LRRC8D: variants seen among roughly 807,000 people sequenced by gnomAD.
The protein encoded by LRRC8D is leucine rich repeat containing 8 VRAC subunit D, also known as volume-regulated anion channel subunit LRRC8D.
In LRRC8D, 20 loss-of-function variants were observed where a neutral mutation model predicts 55.8. The observed-to-expected ratio is 0.36, with a 90% confidence interval of 0.25 to 0.52. The LOEUF (loss-of-function observed/expected upper bound fraction) is 0.52. Among genes scored for constraint, LRRC8D ranks in the 20% least tolerant of loss-of-function variants. The pLI, the probability that LRRC8D is intolerant of heterozygous loss-of-function variation, is 0.93. For synonymous variants in LRRC8D, 352 were observed against 377.0 expected (o/e 0.93, Z 0.77); for missense variants, 651 against 1,030.8 (o/e 0.63, Z 5.05).
chr1:89,935,812 G>T lies in LRRC8D; in HGVS notation c.*167G>T. 1.7e-6 allele frequency: 1 copy of T among 597,278 alleles called. No homozygotes were observed. The highest frequency in any genetic ancestry group is 2.9e-6 in the Non-Finnish European group (1 of 349,674). 37.0% of individuals were successfully genotyped at this position (597,278 alleles called of 1,614,324 possible). The stretch of plus-strand genomic sequence containing the variant: ...TAGAAGACATAACTGAATGTTCAAT[G>T]TTTGTAGGGTTTTAAGTCATTCATT... On this transcript the variant is annotated 3_prime_UTR_variant, in exon 3 of 3. Coordinates refer to ENST00000337338, the MANE Select transcript of LRRC8D (RefSeq NM_001134479.2).
chr1:89,931,377 T>G (rs906478654), intron 2 of LRRC8D, among the ~76,000 whole-genome samples: 7 of 151,860 alleles, frequency 4.6e-5, no homozygotes, highest in Non-Finnish European at 1.0e-4. Flanking sequence ...AAGACACAAG[T>G]AATCAGTCAC....
Position 89,840,935 on chromosome 1 carries a change from G to T in LRRC8D, c.-147-2703G>T, listed in dbSNP as rs144077768. Among the ~76,000 whole-genome samples the T allele has an allele frequency of 4.4e-3, 676 of 152,288 alleles. 2 individuals carry two copies. The highest frequency in any genetic ancestry group is 0.015 in the African/African-American group (639 of 41,550). On this transcript the variant is annotated intron_variant, in intron 1 of 2. Transcript: ENST00000337338. ...CCAAAAGATATTTCAAAACATAATT[G>T]TGTCCTTAAAAACATGGTAATAATT...
At chr1:89,848,133 C>T (rs1225289126) in intron 2 of LRRC8D, among the ~76,000 whole-genome samples, 4 of 152,128 alleles carry the variant, frequency 2.6e-5, no homozygotes, top group Non-Finnish European at 2.9e-5. Flanking sequence ...GTCATGTTTC[C>T]GGGCTAATCG....
Position 89,861,318 on chromosome 1 carries a change from A to T in LRRC8D, c.-3+17536A>T, listed in dbSNP as rs562240375. 3.3e-5 allele frequency among the ~76,000 whole-genome samples: 5 copies of T among 152,336 alleles called. No individual in the cohort carries two copies. The South Asian group carries it at 8.3e-4, about 25-fold the overall frequency. ...CTCTTTAAAATGAGGTCAAAATGATAAGAGGATTATCATGTGACTTTAACA... is the reference window on the plus strand; with the variant it reads ...CTCTTTAAAATGAGGTCAAAATGATTAGAGGATTATCATGTGACTTTAACA... On this transcript the variant is annotated intron_variant, in intron 2 of 2. Transcript: ENST00000337338.
intron 2 of LRRC8D, among the ~76,000 whole-genome samples, chr1:89,932,762 A>C (rs1663744865): frequency 6.6e-6 from 1 of 152,206 alleles, no homozygotes; most frequent in South Asian, 2.1e-4. Context: ...ATGAGTCCAC[A>C]ACAAATGCCA....
intron 2 of LRRC8D, among the ~76,000 whole-genome samples, chr1:89,874,473 G>A (rs1324923559): frequency 6.6e-6 from 1 of 151,252 alleles, no homozygotes; most frequent in African/African-American, 2.4e-5. Flanking sequence ...GTGTGTGTGT[G>A]TGTGTGTGGT....
At chr1:89,932,958 A>G in intron 2 of LRRC8D, 109 bp from the exon 3 acceptor site, 1 of 851,902 alleles carries the variant, frequency 1.2e-6, no homozygotes, top group Non-Finnish European at 1.8e-6. Flanking sequence ...GGATAAAAAG[A>G]TAGGACCTGA....
intron 2 of LRRC8D, among the ~76,000 whole-genome samples, chr1:89,897,440 A>T (rs1476746713): frequency 3.9e-5 from 6 of 152,190 alleles, no homozygotes; most frequent in Non-Finnish European, 8.8e-5. Context: ...TTCCTAGCAG[A>T]TTGAGTTGGT....
At chr1:89,827,361 A>G (rs1015003028) in intron 1 of LRRC8D, among the ~76,000 whole-genome samples, 2 of 142,038 alleles carry the variant, frequency 1.4e-5, no homozygotes, top group Non-Finnish European at 3.1e-5. Context: ...AAAAAAAAAA[A>G]GATTTTGGGG....
In LRRC8D at chr1:89,936,373, A is replaced by G. The variant is rs958601516; in HGVS notation, c.*728A>G. On this transcript the variant is annotated 3_prime_UTR_variant, in exon 3 of 3. Coordinates refer to ENST00000337338, the MANE Select transcript of LRRC8D (RefSeq NM_001134479.2). ...TTATATGGTACATTTTTCTACCAGT[A>G]ATATAGGGTTGCCAATAAATAGAAA... 3.0e-5 allele frequency: 5 copies of G among 166,874 alleles called. No individual in the cohort carries two copies. The highest frequency in any genetic ancestry group is 1.5e-5 in the Non-Finnish European group (1 of 68,134). The allele number at this position is 166,874 out of a possible 1,614,324, so 10.3% of individuals were successfully genotyped here.
intron 2 of LRRC8D, among the ~76,000 whole-genome samples, chr1:89,863,481 T>C (rs1261354767): frequency 6.6e-6 from 1 of 152,174 alleles, no homozygotes; most frequent in Non-Finnish European, 1.5e-5. Flanking sequence ...TAACCTGGAA[T>C]ATTAATAAAC....
At chr1:89,917,980 G>T (rs573365369) in intron 2 of LRRC8D, among the ~76,000 whole-genome samples, 14 of 152,242 alleles carry the variant, frequency 9.2e-5, no homozygotes, top group African/African-American at 3.4e-4. Context: ...GAGGAAATAT[G>T]TCTGAATTTA....
At chr1:89,856,164 G>A (rs1661546072) in intron 2 of LRRC8D, among the ~76,000 whole-genome samples, 1 of 152,044 alleles carries the variant, frequency 6.6e-6, no homozygotes, top group Non-Finnish European at 1.5e-5. Flanking sequence ...AATTTAGGAA[G>A]AATGTAGAAA....
intron 1 of LRRC8D, among the ~76,000 whole-genome samples, chr1:89,840,115 T>A (rs1026818279): frequency 1.3e-5 from 2 of 152,190 alleles, no homozygotes; most frequent in African/African-American, 4.8e-5. Context: ...CCTTCCACAT[T>A]TTTCCAAAAT....
chr1:89,866,936 C>T (rs537298602), intron 2 of LRRC8D, among the ~76,000 whole-genome samples: 27 of 152,098 alleles, frequency 1.8e-4, no homozygotes, highest in Admixed American at 2.0e-4. Flanking sequence ...ACCCCAAAGT[C>T]GAAGGTATTT....
intron 2 of LRRC8D, 132 bp from the exon 3 acceptor site, chr1:89,932,935 C>T: frequency 1.4e-6 from 1 of 701,186 alleles, no homozygotes; most frequent in Non-Finnish European, 2.3e-6. Flanking sequence ...TTATTTTCTA[C>T]TACATTTATA....
chr1:89,843,542 C>A, intron 1 of LRRC8D, 96 bp from the exon 2 acceptor site: 1 of 680,254 alleles, frequency 1.5e-6, no homozygotes, highest in South Asian at 1.5e-5. Flanking sequence ...AGCGGTGACC[C>A]CCTGGTCTTG....
At chr1:89,856,693 G>A (rs954602765) in intron 2 of LRRC8D, among the ~76,000 whole-genome samples, 5 of 151,936 alleles carry the variant, frequency 3.3e-5, no homozygotes, top group African/African-American at 1.2e-4. Flanking sequence ...ATTTAAAATG[G>A]GTCTCTTGTA....
At chr1:89,892,330 C>T (rs1416292130) in intron 2 of LRRC8D, among the ~76,000 whole-genome samples, 2 of 152,130 alleles carry the variant, frequency 1.3e-5, no homozygotes, top group East Asian at 3.8e-4. Flanking sequence ...CTTTTTGATA[C>T]CTGATTCTGT....
Sources: allele counts gnomAD v4.1 joint callset (sites outside exome capture counted in the v4.1 genomes callset), GRCh38; gene constraint gnomAD v4.1.1; transcripts MANE v1.5; gene names NCBI Gene and HGNC (gene_info 2026-07-23, HGNC 2026-07-21).